PTPRS: variants seen among roughly 807,000 people sequenced by gnomAD.
The protein encoded by PTPRS is protein tyrosine phosphatase receptor type S.
In PTPRS, 63 loss-of-function variants were observed where a neutral mutation model predicts 215.3. The ratio of observed to expected loss-of-function variants is 0.29; its 90% confidence interval spans 0.24 to 0.36. The LOEUF (loss-of-function observed/expected upper bound fraction) is 0.36. Ranked by LOEUF, PTPRS falls within the 10% of genes least tolerant of loss-of-function variation. The probability of loss-of-function intolerance (pLI) is 1.00; values close to 1 mark genes in which losing one functional copy is unlikely to be tolerated. For missense variants in PTPRS, 2,258 were observed against 2,825.8 expected (o/e 0.80, Z 4.56); for synonymous variants, 1,404 against 1,191.4 (o/e 1.18, Z -3.68).
chr19:5,213,683 C>G (rs956578044), intron 30 of PTPRS, among the ~76,000 whole-genome samples: 1 of 151,936 alleles, frequency 6.6e-6, no homozygotes, highest in African/African-American at 2.4e-5. Context: ...GTGATTGAAC[C>G]AAGAATTCTC....
intron 1 of PTPRS, among the ~76,000 whole-genome samples, chr19:5,305,748 T>TAAATAA (rs1400784476): frequency 5.0e-4 from 34 of 68,584 alleles, no homozygotes; most frequent in Admixed American, 3.7e-3. Flanking sequence ...AATAAATAAA[T>TAAATAA]ATATATATAT....
chr19:5,225,958 G>C, intron 16 of PTPRS, 114 bp from the exon 17 acceptor site: 1 of 828,616 alleles, frequency 1.2e-6, no homozygotes, highest in Non-Finnish European at 2.0e-6. Flanking sequence ...ATCAGGGGTG[G>C]AGACGTGCAC....
At chr19:5,329,295 G>C (rs1378889798) in intron 1 of PTPRS, among the ~76,000 whole-genome samples, 1 of 151,958 alleles carries the variant, frequency 6.6e-6, no homozygotes, top group African/African-American at 2.4e-5. Flanking sequence ...CATCCAGAGA[G>C]GGAAAGTGAC....
At chr19:5,231,228 C>G (rs1008271077) in intron 14 of PTPRS, 82 bp downstream of exon 14, 1 of 1,421,882 alleles carries the variant, frequency 7.0e-7, no homozygotes, top group Non-Finnish European at 9.4e-7. Flanking sequence ...TGACCACCAG[C>G]CCAGGTTTCC....
At chr19:5,229,387 C>T (rs776345869) in intron 15 of PTPRS, 45 bp from the exon 16 acceptor site, 3 of 1,362,888 alleles carry the variant, frequency 2.2e-6, no homozygotes, top group Middle Eastern at 2.1e-4. Flanking sequence ...GGAAGGTGAG[C>T]GGGGGAGGCC....
chr19:5,206,635 C>T lies in PTPRS; in HGVS notation c.*139G>A, dbSNP rs567557340. ...GGGGCTCGAGGGGCTGCGTCGTCCT[C>T]GGAAATGGTGCAGAAACACAGCTGC... On this transcript the variant is annotated 3_prime_UTR_variant, in exon 38 of 38. Coordinates refer to ENST00000262963, the MANE Select transcript of PTPRS (RefSeq NM_002850.4). The T allele has an allele frequency of 4.8e-5, 35 of 731,626 alleles. No individual in the cohort carries two copies. Among genetic ancestry groups the T allele is most frequent in the African/African-American group, 2.7e-4 (15 of 55,676 alleles). The allele number at this position is 731,626 out of a possible 1,614,324, so 45.3% of individuals were successfully genotyped here.
intron 9 of PTPRS, among the ~76,000 whole-genome samples, chr19:5,246,770 A>G (rs1269608773): frequency 1.3e-5 from 2 of 152,194 alleles, no homozygotes; most frequent in African/African-American, 4.8e-5. Flanking sequence ...GAGAAACTCT[A>G]ATGAAATTTT....
At chr19:5,297,897 A>T (rs1487069726) in intron 1 of PTPRS, among the ~76,000 whole-genome samples, 1 of 151,442 alleles carries the variant, frequency 6.6e-6, no homozygotes, top group African/African-American at 2.4e-5. Flanking sequence ...GGTTCACACA[A>T]TTCTCCTGCC....
rs777963118 is a variant in PTPRS at position 5,239,077 on chromosome 19, AGAG to A, written c.1705-17_1705-15del. On this transcript the variant is annotated splice_polypyrimidine_tract_variant and intron_variant, in intron 12 of 37. Coordinates refer to ENST00000262963, the MANE Select transcript of PTPRS (RefSeq NM_002850.4). ...GGTCCTTCCCACCTGGGGGCAGGGCAGAGAAGGACAGAGAGGGATGGGGGAGAG... is the reference window on the plus strand; with the variant it reads ...GGTCCTTCCCACCTGGGGGCAGGGCAAAGGACAGAGAGGGATGGGGGAGAG... 5.4e-5 allele frequency: 86 copies of A among 1,579,638 alleles called. No homozygotes were observed. The East Asian group carries it at 1.6e-3, about 30-fold the overall frequency.
At position 5,238,951 on chromosome 19, in the gene PTPRS, G is replaced by A; in HGVS notation, c.1817C>T (p.Thr606Ile). The A allele has an allele frequency of 6.2e-7, 1 of 1,611,268 alleles. No individual in the cohort carries two copies. Among genetic ancestry groups the A allele is most frequent in the Non-Finnish European group, 8.5e-7 (1 of 1,178,868 alleles). ...CAGCGTGCGCTGCCGCACCACGGGGGTGAAGGCGCCCAGGCCCTGCGGCGA... is the reference window on the plus strand; with the variant it reads ...CAGCGTGCGCTGCCGCACCACGGGGATGAAGGCGCCCAGGCCCTGCGGCGA... Reference protein sequence around the residue: ...ARSPQGLGAFTPVVRQRTLQS... With the variant: ...ARSPQGLGAFIPVVRQRTLQS... The change falls in exon 13 of 38, where the codon ACC becomes ATC. Residue 606 changes from threonine (T) to isoleucine (I), a missense_variant. Physicochemically the swap from Thr to Ile is moderately conservative, Grantham distance 89. Coordinates refer to ENST00000262963, the MANE Select transcript of PTPRS (RefSeq NM_002850.4).
At chr19:5,318,238 G>A (rs2147198373) in intron 1 of PTPRS, among the ~76,000 whole-genome samples, 1 of 152,208 alleles carries the variant, frequency 6.6e-6, no homozygotes, top group African/African-American at 2.4e-5. Context: ...CTACTCTAGA[G>A]GCTGAGGCAG....
intron 1 of PTPRS, among the ~76,000 whole-genome samples, chr19:5,300,951 C>T (rs1047564269): frequency 2.0e-5 from 3 of 152,200 alleles, no homozygotes; most frequent in Admixed American, 2.0e-4. Context: ...AGCCACAGTA[C>T]CCTGGCCACT....
In PTPRS at chr19:5,238,969, T is replaced by C. The variant is rs1281887798; in HGVS notation, c.1799A>G (p.Gln600Arg). The C allele has an allele frequency of 1.2e-6, 2 of 1,612,632 alleles. No homozygotes were observed. Among genetic ancestry groups the C allele is most frequent in the Middle Eastern group, 1.7e-4 (1 of 6,056 alleles). The change falls in exon 13 of 38, where the codon CAG (glutamine) becomes CGG (arginine). Residue 600 changes from glutamine to arginine, a missense_variant. Coordinates refer to ENST00000262963, the MANE Select transcript of PTPRS (RefSeq NM_002850.4). ...CACGGGGGTGAAGGCGCCCAGGCCC[T>C]GCGGCGAGCGGGCCGCCAGGCGGAA... ...YAFRLAARSP[Q>R]GLGAFTPVVR... is the part of the protein sequence containing the mutation.
intron 2 of PTPRS, among the ~76,000 whole-genome samples, chr19:5,281,978 T>G (rs1248854878): frequency 6.6e-6 from 1 of 152,112 alleles, no homozygotes. Flanking sequence ...CTGGGGAGCC[T>G]TCTTGGATTA....
At position 5,244,578 on chromosome 19, in the gene PTPRS, C is replaced by T; in HGVS notation, c.989-96G>A. The stretch of plus-strand genomic sequence containing the variant: ...TCACCATTCAGTCGCCTTCTCTGAG[C>T]CTTGATTTGCCCAGCAGTAATCATG... On this transcript the variant is annotated intron_variant, in intron 10 of 37. Transcript: ENST00000262963. The surrounding 1 kb of genome is among the most constrained non-coding windows in gnomAD (Gnocchi z 7.2). 1.0e-6 allele frequency: 1 copy of T among 984,584 alleles called. No homozygotes were observed. Among genetic ancestry groups the T allele is most frequent in the Non-Finnish European group, 1.5e-6 (1 of 668,464 alleles). The allele number at this position is 984,584 out of a possible 1,614,324, so 61.0% of individuals were successfully genotyped here.
intron 9 of PTPRS, among the ~76,000 whole-genome samples, chr19:5,254,798 T>C (rs1304160018): frequency 6.6e-6 from 1 of 152,148 alleles, no homozygotes; most frequent in Non-Finnish European, 1.5e-5. Flanking sequence ...GTCAGATAAT[T>C]GGCCAAGTCT....
At chr19:5,330,780 G>A (rs1600142051) in intron 1 of PTPRS, among the ~76,000 whole-genome samples, 2 of 152,206 alleles carry the variant, frequency 1.3e-5, no homozygotes, top group South Asian at 2.1e-4. Context: ...CAGCAGGGCC[G>A]GAGTCTGGGC....
chr19:5,307,569 T>A (rs1287931653), intron 1 of PTPRS, among the ~76,000 whole-genome samples: 1 of 152,178 alleles, frequency 6.6e-6, no homozygotes, highest in Non-Finnish European at 1.5e-5. Context: ...TGCCATTTGG[T>A]TAAACAAGGG....
chr19:5,211,791 G>A, intron 32 of PTPRS, 23 bp from the exon 33 acceptor site: 2 of 1,606,902 alleles, frequency 1.2e-6, no homozygotes, highest in Non-Finnish European at 1.7e-6. Context: ...GGAAGCCAGA[G>A]GCCACCATCA....
Sources: gnomAD v4.1 joint callset for allele counts (sites outside exome capture counted in the v4.1 genomes callset) on GRCh38, gnomAD v4.1.1 for gene constraint, Gnocchi (gnomAD v3.1) non-coding constraint, MANE v1.5 for transcripts, NCBI Gene and HGNC (gene_info 2026-07-23, HGNC 2026-07-21) for gene names.